The following ARHGAP21 variants were observed in gnomAD, a reference collection of about 807,000 sequenced individuals.
The protein encoded by ARHGAP21 is Rho GTPase activating protein 21, also known as rho GTPase-activating protein 21.
Under a neutral mutation model 164.6 loss-of-function variants are expected in ARHGAP21, and 38 were observed. The ratio of observed to expected loss-of-function variants is 0.23; its 90% confidence interval spans 0.18 to 0.30. The LOEUF is 0.30. Among genes scored for constraint, ARHGAP21 ranks in the 10% least tolerant of loss-of-function variants. The pLI, the probability that ARHGAP21 is intolerant of heterozygous loss-of-function variation, is 1.00. For missense variants in ARHGAP21, 1,822 were observed against 2,370.7 expected, an observed-to-expected ratio of 0.77 and a Z score of 4.81; for synonymous variants, 766 against 857.9, an observed-to-expected ratio of 0.89 and a Z score of 1.87.
intron 2 of ARHGAP21, among the ~76,000 whole-genome samples, chr10:24,676,791 C>T (rs1481214478): frequency 1.3e-5 from 2 of 152,174 alleles, no homozygotes; most frequent in Non-Finnish European, 2.9e-5. Context: ...AATTATTTAA[C>T]GTCTCTAAGC....
chr10:24,608,960 A>T (rs1593006638), intron 9 of ARHGAP21, among the ~76,000 whole-genome samples: 2 of 152,338 alleles, frequency 1.3e-5, no homozygotes, highest in African/African-American at 2.4e-5. Flanking sequence ...TAATTTCACT[A>T]AAACTTGTAG....
Position 24,621,462 on chromosome 10 carries a change from C to G in ARHGAP21, c.526-93G>C, listed in dbSNP as rs937544289. On this transcript the variant is annotated intron_variant, in intron 8 of 25. Transcript: ENST00000396432. ...GTGCACTATTTTATCTATGTCCTAC[C>G]TCGTTCCTGAGTGACATTCACTATA... 6 of 1,174,738 alleles carry G rather than the reference C, an allele frequency of 5.1e-6. No homozygotes were observed. In the South Asian group the frequency reaches 8.1e-5, roughly 16 times the overall value. The allele number at this position is 1,174,738 out of a possible 1,614,324, so 72.8% of individuals were successfully genotyped here. A position where few individuals can be genotyped will look rare whatever the true frequency, so the allele number is the denominator to read the frequency against.
intron 25 of ARHGAP21, among the ~76,000 whole-genome samples, chr10:24,586,710 T>G (rs2076118049): frequency 1.3e-5 from 2 of 152,178 alleles, no homozygotes; most frequent in Admixed American, 1.3e-4. Context: ...TAAATCAGGT[T>G]GGTAATGTCT....
intron 2 of ARHGAP21, among the ~76,000 whole-genome samples, chr10:24,688,060 G>A (rs185331019): frequency 7.2e-5 from 11 of 152,214 alleles, no homozygotes; most frequent in Admixed American, 3.3e-4. Context: ...CAATTTCAAA[G>A]AATTTTATAG....
chr10:24,598,941 T>C (rs1380861664), intron 14 of ARHGAP21, among the ~76,000 whole-genome samples: 1 of 152,210 alleles, frequency 6.6e-6, no homozygotes, highest in Non-Finnish European at 1.5e-5. Context: ...ATGGTGGTGA[T>C]GATAATAGGA....
intron 25 of ARHGAP21, among the ~76,000 whole-genome samples, chr10:24,588,738 T>A (rs1056876525): frequency 6.6e-6 from 1 of 152,168 alleles, no homozygotes; most frequent in African/African-American, 2.4e-5. Flanking sequence ...GGAACACAGA[T>A]TGTGTAAAAA....
chr10:24,702,407 AG>A (rs987693996), intron 2 of ARHGAP21, among the ~76,000 whole-genome samples: 31 of 152,198 alleles, frequency 2.0e-4, no homozygotes, highest in African/African-American at 6.5e-4. Flanking sequence ...CTAGGATTAC[AG>A]GCGTGAGCCA....
chr10:24,590,032 A>G (rs765789534), intron 24 of ARHGAP21: 70 of 334,964 alleles, frequency 2.1e-4, no homozygotes, highest in Non-Finnish European at 3.0e-4. Context: ...CAGATTATAC[A>G]ATTATAAAGA....
intron 4 of ARHGAP21, among the ~76,000 whole-genome samples, chr10:24,639,395 G>T (rs1836753859): frequency 6.6e-6 from 1 of 152,018 alleles, no homozygotes; most frequent in South Asian, 2.1e-4. Context: ...TTGTTGTGAG[G>T]ATTTAAAAAA....
intron 4 of ARHGAP21, among the ~76,000 whole-genome samples, chr10:24,635,613 C>G (rs939681808): frequency 1.3e-5 from 2 of 152,186 alleles, no homozygotes; most frequent in Non-Finnish European, 2.9e-5. Context: ...GTGGTGCAAT[C>G]TTGGCTCACT....
intron 2 of ARHGAP21, among the ~76,000 whole-genome samples, chr10:24,693,539 G>A (rs1842915438): frequency 6.6e-6 from 1 of 152,072 alleles, no homozygotes; most frequent in South Asian, 2.1e-4. Flanking sequence ...TTTTAGTAGA[G>A]ATGGGGTTTC....
In ARHGAP21 at chr10:24,596,733, C is replaced by T; in HGVS notation, c.3477+7G>A. On this transcript the variant is annotated splice_region_variant and intron_variant, in intron 17 of 25. Transcript: ENST00000396432. The stretch of plus-strand genomic sequence containing the variant: ...TTGAGGAAATCCGGTGGGCTGGTGT[C>T]TCCTACCCGATTAGTATGAGCTGGT... The T allele has an allele frequency of 6.2e-7, 1 of 1,613,714 alleles. No individual in the cohort carries two copies.
In ARHGAP21 at chr10:24,620,847, T is replaced by G. The variant is rs778307917; in HGVS notation, c.1048A>C (p.Asn350His). Residue 350 changes from asparagine to histidine, a missense_variant, in exon 9 of 26, where the codon AAT (asparagine) becomes CAT (histidine). Coordinates refer to ENST00000396432, the MANE Select transcript of ARHGAP21 (RefSeq NM_020824.4). ...EPSGILLKSG[N>H]YSGHSDGISS... ...ATTCCATCAGAATGTCCACTGTAATTTCCAGACTTAAGTAAAATTCCAGAA... is the reference window on the plus strand; with the variant it reads ...ATTCCATCAGAATGTCCACTGTAATGTCCAGACTTAAGTAAAATTCCAGAA... 2.5e-6 allele frequency: 4 copies of G among 1,614,002 alleles called. No individual in the cohort carries two copies. Among genetic ancestry groups the G allele is most frequent in the Non-Finnish European group, 3.4e-6 (4 of 1,179,906 alleles).
chr10:24,628,812 T>C (rs1835412546), intron 7 of ARHGAP21, among the ~76,000 whole-genome samples: 1 of 121,140 alleles, frequency 8.3e-6, no homozygotes, highest in Non-Finnish European at 1.7e-5. Context: ...TATACATATA[T>C]ATACATATAC....
chr10:24,656,574 T>G (rs1484327771), intron 4 of ARHGAP21, among the ~76,000 whole-genome samples: 6 of 58,598 alleles, frequency 1.0e-4, no homozygotes, highest in Admixed American at 1.7e-4. Flanking sequence ...GTGGGGGGGG[T>G]CAGCCCTCCG....
rs1188288814 is a variant in ARHGAP21 at position 24,584,503 on chromosome 10, A to G, written c.5786T>C (p.Val1929Ala). 5.0e-6 allele frequency: 8 copies of G among 1,613,946 alleles called. No homozygotes were observed. Among genetic ancestry groups the G allele is most frequent in the Non-Finnish European group, 6.8e-6 (8 of 1,179,864 alleles). The part of the protein sequence containing the change: ...DQINGESFQN[V>A]SKNASSAANA... ...CGCTGCAGAACTAGCATTTTTGCTC[A>G]CGTTCTGGAAGCTTTCTCCGTTTAT... The change falls in exon 26 of 26, where the codon GTG (valine) becomes GCG (alanine). Residue 1929 changes from valine to alanine, a missense_variant. By Grantham distance (64) the Val-to-Ala change is moderately conservative (BLOSUM62 0). Coordinates refer to ENST00000396432, the MANE Select transcript of ARHGAP21 (RefSeq NM_020824.4).
chr10:24,602,142 T>C (rs777608729), intron 12 of ARHGAP21, 39 bp from the exon 13 acceptor site: 1 of 1,578,110 alleles, frequency 6.3e-7, no homozygotes, highest in Non-Finnish European at 8.6e-7. Context: ...ATGTCAGCAT[T>C]TTCCTTTATA....
intron 9 of ARHGAP21, 110 bp downstream of exon 9, chr10:24,619,361 ATT>A: frequency 9.2e-7 from 1 of 1,091,680 alleles, no homozygotes; most frequent in Non-Finnish European, 1.3e-6. Flanking sequence ...CACTAGAAAC[ATT>A]TTAAAATCAC....
At chr10:24,622,930 A>G (rs1371567798) in intron 7 of ARHGAP21, 168 bp from the exon 8 acceptor site, 1 of 569,368 alleles carries the variant, frequency 1.8e-6, no homozygotes, top group Non-Finnish European at 3.0e-6. Flanking sequence ...TAACTCCAGT[A>G]TTCTTCTGAA....
Sources: allele counts gnomAD v4.1 joint callset (sites outside exome capture counted in the v4.1 genomes callset), GRCh38; gene constraint gnomAD v4.1.1; transcripts MANE v1.5; gene names NCBI Gene and HGNC (gene_info 2026-07-23, HGNC 2026-07-21).